TULP4: variants seen among roughly 807,000 people sequenced by gnomAD.
TULP4 encodes the protein TUB like protein 4, also known as tubby-related protein 4.
In TULP4, 16 loss-of-function variants were observed where a neutral mutation model predicts 129.0. The ratio of observed to expected loss-of-function variants is 0.12; its 90% confidence interval spans 0.08 to 0.19. TULP4 has a LOEUF of 0.19. Ranked by LOEUF, TULP4 falls within the 10% of genes least tolerant of loss-of-function variation. The pLI, the probability that TULP4 is intolerant of heterozygous loss-of-function variation, is 1.00. For missense variants in TULP4, 1,842 were observed against 2,059.1 expected (o/e 0.89, Z 2.04); for synonymous variants, 998 against 854.0 (o/e 1.17, Z -2.94).
At chr6:158,366,173 G>A (rs1032554742) in intron 1 of TULP4, among the ~76,000 whole-genome samples, 13 of 152,054 alleles carry the variant, frequency 8.5e-5, no homozygotes, top group Non-Finnish European at 1.5e-4. Flanking sequence ...AAAGTGCTGG[G>A]ATTACAGGCA....
Position 158,313,716 on chromosome 6 carries a change from CCAA to C in TULP4, c.-300_-298del. On this transcript the variant is annotated 5_prime_UTR_variant, in exon 1 of 14. Coordinates refer to ENST00000367097, the MANE Select transcript of TULP4 (RefSeq NM_020245.5). ...CCACTTAATTAACGATGCTCTTTCTCCAAAGGATCAGCACGTTCTTCCTCTGAG... is the reference window on the plus strand; with the variant it reads ...CCACTTAATTAACGATGCTCTTTCTCAGGATCAGCACGTTCTTCCTCTGAG... 2 of 475,286 alleles carry C rather than the reference CCAA, an allele frequency of 4.2e-6. No individual in the cohort carries two copies. Among genetic ancestry groups the C allele is most frequent in the Non-Finnish European group, 7.3e-6 (2 of 272,638 alleles). 29.4% of individuals were successfully genotyped at this position (475,286 alleles called of 1,614,324 possible). A position where few individuals can be genotyped will look rare whatever the true frequency, so the allele number is the denominator to read the frequency against.
chr6:158,465,838 G>A (rs1779545084), intron 6 of TULP4, among the ~76,000 whole-genome samples: 1 of 152,210 alleles, frequency 6.6e-6, no homozygotes, highest in African/African-American at 2.4e-5. Flanking sequence ...AGGAGAAGTA[G>A]AGGAGTATAC....
At chr6:158,268,933 G>A (rs1015305315) in intron 1 of TULP4, among the ~76,000 whole-genome samples, 1 of 152,064 alleles carries the variant, frequency 6.6e-6, no homozygotes, top group African/African-American at 2.4e-5. Context: ...GTTGGCTTTA[G>A]TCACTTTCTG....
intron 2 of TULP4, among the ~76,000 whole-genome samples, chr6:158,423,260 A>T (rs1002496002): frequency 3.9e-5 from 6 of 152,248 alleles, no homozygotes; most frequent in Non-Finnish European, 7.3e-5. Context: ...GATTTCTTAG[A>T]CTGGATGCAG....
intron 3 of TULP4, among the ~76,000 whole-genome samples, chr6:158,446,268 C>T (rs972077746): frequency 7.2e-5 from 11 of 152,190 alleles, no homozygotes; most frequent in African/African-American, 2.4e-5. Context: ...GTAACTTCTT[C>T]CATCATTGCT....
At chr6:158,238,280 T>C (rs570767348) in intron 1 of TULP4, 2 of 1,133,278 alleles carry the variant, frequency 1.8e-6, no homozygotes, top group South Asian at 1.3e-5. Flanking sequence ...TGTGTGCTGC[T>C]TTTCACGCAG....
chr6:158,454,028 C>CG lies in TULP4; in HGVS notation c.859+1760_859+1761insG, dbSNP rs1458352802. Among the ~76,000 whole-genome samples, 53 of 148,944 alleles carry CG rather than the reference C, an allele frequency of 3.6e-4. No individual in the cohort carries two copies. The South Asian group carries it at 9.3e-3, about 26-fold the overall frequency. ...CATACCTGCCTCTGCACCGCCCCCC[C>CG]CCAAGTAATTACTCTATTTTTAAAC... On this transcript the variant is annotated intron_variant, in intron 5 of 13. Transcript: ENST00000367097.
intron 1 of TULP4, among the ~76,000 whole-genome samples, chr6:158,359,540 G>C (rs1780720600): frequency 6.6e-6 from 1 of 152,124 alleles, no homozygotes; most frequent in Non-Finnish European, 1.5e-5. Context: ...AAAGATGGAG[G>C]CTTGGAGGCT....
chr6:158,373,679 G>A (rs1777119726), intron 1 of TULP4, among the ~76,000 whole-genome samples: 3 of 152,164 alleles, frequency 2.0e-5, no homozygotes, highest in Admixed American at 1.3e-4. Flanking sequence ...CCAAGAAGCT[G>A]CCTTTGTTCT....
intron 1 of TULP4, among the ~76,000 whole-genome samples, chr6:158,399,334 C>T (rs760357037): frequency 2.0e-5 from 3 of 152,220 alleles, no homozygotes; most frequent in Non-Finnish European, 2.9e-5. Context: ...AGTTCTGTTT[C>T]AGCATTTTAC....
intron 1 of TULP4, chr6:158,242,402 A>T: frequency 1.4e-6 from 2 of 1,411,956 alleles, no homozygotes; most frequent in Non-Finnish European, 1.0e-6. Flanking sequence ...CATCATAAGC[A>T]TCGTGGGAGT....
chr6:158,270,875 C>T (rs1441018020), intron 1 of TULP4, among the ~76,000 whole-genome samples: 1 of 152,216 alleles, frequency 6.6e-6, no homozygotes, highest in Non-Finnish European at 1.5e-5. Context: ...TAGGGCCGGG[C>T]ACAGTGGCCC....
intron 1 of TULP4, among the ~76,000 whole-genome samples, chr6:158,380,633 G>A (rs1318338345): frequency 2.0e-5 from 3 of 152,090 alleles, no homozygotes; most frequent in Non-Finnish European, 2.9e-5. Flanking sequence ...GGTGGCTCAC[G>A]CCTGTATCCC....
intron 1 of TULP4, among the ~76,000 whole-genome samples, chr6:158,289,295 C>G (rs1331404530): frequency 6.6e-6 from 1 of 152,118 alleles, no homozygotes; most frequent in Non-Finnish European, 1.5e-5. Context: ...TTGTGCTGCT[C>G]TGTCTTTATC....
chr6:158,367,321 T>G (rs900258568), intron 1 of TULP4, among the ~76,000 whole-genome samples: 6 of 152,064 alleles, frequency 3.9e-5, no homozygotes, highest in African/African-American at 1.4e-4. Context: ...GGAGGAGGAG[T>G]CGTCAGCCAG....
At chr6:158,268,488 C>T (rs970258208) in intron 1 of TULP4, among the ~76,000 whole-genome samples, 2 of 152,124 alleles carry the variant, frequency 1.3e-5, no homozygotes, top group Admixed American at 1.3e-4. Context: ...AATTTATAAA[C>T]AGTAGAAATG....
At chr6:158,305,890 G>A (rs189432253) in intron 1 of TULP4, among the ~76,000 whole-genome samples, 13 of 152,078 alleles carry the variant, frequency 8.5e-5, no homozygotes, top group African/African-American at 3.1e-4. Flanking sequence ...TCATTCCTTG[G>A]AAACTTAATC....
At chr6:158,392,794 CTTTTTTTTTTTTTT>C (rs773565295) in intron 1 of TULP4, among the ~76,000 whole-genome samples, 8 of 54,642 alleles carry the variant, frequency 1.5e-4, no homozygotes, top group African/African-American at 2.6e-4. Context: ...ATTTGTATTT[CTTTTTTTTTTTTTT>C]TTTTTTTTTT....
chr6:158,482,916 T>TC (rs1477318803), intron 8 of TULP4, among the ~76,000 whole-genome samples: 1 of 152,206 alleles, frequency 6.6e-6, no homozygotes, highest in Non-Finnish European at 1.5e-5. Flanking sequence ...TGCTCTTCCT[T>TC]CCGGTTCATG....
Sources: allele counts gnomAD v4.1 joint callset (sites outside exome capture counted in the v4.1 genomes callset), GRCh38; gene constraint gnomAD v4.1.1; transcripts MANE v1.5; gene names NCBI Gene and HGNC (gene_info 2026-07-23, HGNC 2026-07-21).